CELF2: variants seen among roughly 807,000 people sequenced by gnomAD.
CELF2 encodes CUG triplet repeat RNA-binding protein 2.
A neutral mutation model predicts 62.6 loss-of-function variants in CELF2; 8 were observed. The observed-to-expected ratio is 0.13, with a 90% CI of 0.07 to 0.23. CELF2 has a LOEUF of 0.23. CELF2 is among the 10% of genes least tolerant of loss of function. The pLI, the probability that CELF2 is intolerant of heterozygous loss-of-function variation, is 1.00. For missense variants in CELF2, 333 were observed against 671.0 expected, an observed-to-expected ratio of 0.50 and a Z score of 5.56; for synonymous variants, 258 against 250.0, an observed-to-expected ratio of 1.03 and a Z score of -0.30.
At chr10:11,060,356 C>A (rs1325319247) in intron 1 of CELF2, among the ~76,000 whole-genome samples, 1 of 152,196 alleles carries the variant, frequency 6.6e-6, no homozygotes, top group Non-Finnish European at 1.5e-5. Flanking sequence ...TTTTGTACTT[C>A]TGAAGAGTAA....
At chr10:10,472,331 G>GTTTA in the CELF2 span, among the ~76,000 whole-genome samples, 1 of 151,506 alleles carries the variant, frequency 6.6e-6, no homozygotes, top group African/African-American at 2.4e-5. Flanking sequence ...TTATCTTCAA[G>GTTTA]TTTACTCATA....
chr10:10,589,986 G>A, the CELF2 span, among the ~76,000 whole-genome samples: 2 of 152,156 alleles, frequency 1.3e-5, no homozygotes, highest in Non-Finnish European at 2.9e-5. Context: ...TTTCAGTCCT[G>A]GCAGGAAATC....
chr10:11,196,842 C>T lies in CELF2; in HGVS notation c.272-20583C>T, dbSNP rs115237804. Reference sequence around the variant, plus strand: ...CGTGGTGGCGCATGCGCTTGTAATCCCAGCCGCTCATGGGGCTGAGGCAGG... The same window carrying T: ...CGTGGTGGCGCATGCGCTTGTAATCTCAGCCGCTCATGGGGCTGAGGCAGG... On this transcript the variant is annotated intron_variant, in intron 2 of 12. Transcript: ENST00000633077. Among the ~76,000 whole-genome samples, 219 of 151,128 alleles carry T rather than the reference C, an allele frequency of 1.4e-3. 2 individuals carry two copies. The highest frequency in any genetic ancestry group is 4.9e-3 in the African/African-American group (203 of 41,100).
At chr10:10,882,109 C>T (rs2061476633) in intron 1 of CELF2, among the ~76,000 whole-genome samples, 3 of 152,152 alleles carry the variant, frequency 2.0e-5, no homozygotes, top group Admixed American at 1.3e-4. Flanking sequence ...GGCTGGTTTC[C>T]CCATTTCCCA....
At chr10:10,575,631 C>T in the CELF2 span, among the ~76,000 whole-genome samples, 1 of 152,112 alleles carries the variant, frequency 6.6e-6, no homozygotes, top group Middle Eastern at 3.2e-3. Flanking sequence ...GCAGTCTGTT[C>T]CAAGAATTGA....
At chr10:11,006,814 C>G (rs1230059659) in intron 1 of CELF2, among the ~76,000 whole-genome samples, 1 of 152,150 alleles carries the variant, frequency 6.6e-6, no homozygotes, top group South Asian at 2.1e-4. Context: ...TGCTTATGTC[C>G]TTATAAAATG....
At chr10:11,069,755 G>A (rs1004532886) in intron 1 of CELF2, among the ~76,000 whole-genome samples, 9 of 152,192 alleles carry the variant, frequency 5.9e-5, no homozygotes, top group African/African-American at 1.4e-4. Context: ...AAAGTGTTTC[G>A]TAATTATTAA....
chr10:10,566,569 T>G, the CELF2 span, among the ~76,000 whole-genome samples: 1 of 83,314 alleles, frequency 1.2e-5, no homozygotes, highest in African/African-American at 4.8e-5. Context: ...CCCTCCCCCC[T>G]CCCCCGACCC....
At chr10:10,667,155 T>C in the CELF2 span, among the ~76,000 whole-genome samples, 1 of 152,336 alleles carries the variant, frequency 6.6e-6, no homozygotes, top group South Asian at 2.1e-4. Context: ...ACCATGCTCT[T>C]TGAATAAATG....
intron 1 of CELF2, among the ~76,000 whole-genome samples, chr10:11,150,203 A>C (rs1230095536): frequency 6.6e-6 from 1 of 152,210 alleles, no homozygotes; most frequent in African/African-American, 2.4e-5. Context: ...ACAAACATAC[A>C]CACTTTGTGA....
chr10:11,314,133 T>TG lies in CELF2; in HGVS notation c.977-6_977-5insG. ...TCTCCCCTTGTCTCTGTTTTCCTTT[T>TG]TTCAGTGGCTGCTTCAACCCCCAAC... On this transcript the variant is annotated splice_polypyrimidine_tract_variant and splice_region_variant and intron_variant, in intron 9 of 12. Coordinates refer to ENST00000633077, the MANE Select transcript of CELF2 (RefSeq NM_001326342.2). This position sits in a 1 kb window ranked among gnomAD's most constrained non-coding sequence, Gnocchi z 5.3. 1 of 1,611,272 alleles carries TG rather than the reference T, an allele frequency of 6.2e-7. No homozygotes were observed. Among genetic ancestry groups the TG allele is most frequent in the Admixed American group, 1.7e-5 (1 of 59,794 alleles).
Position 11,334,469 on chromosome 10 carries a change from G to GAT in CELF2, c.*5418_*5419dup, listed in dbSNP as rs1303148044. 5 of 152,604 alleles carry GAT rather than the reference G, an allele frequency of 3.3e-5. No homozygotes were observed. Among genetic ancestry groups the GAT allele is most frequent in the Admixed American group, 6.5e-5 (1 of 15,282 alleles). The allele number at this position is 152,604 out of a possible 1,614,324, so 9.5% of individuals were successfully genotyped here. ...TTTTTTTCTCTATGTTGTGTAAAAA[G>GAT]ATACAGTCGATTCCACTTAAGTGAA... is the stretch of plus-strand genomic sequence containing the variant. On this transcript the variant is annotated 3_prime_UTR_variant, in exon 13 of 13. Transcript: ENST00000633077.
chr10:10,706,636 G>A, the CELF2 span, among the ~76,000 whole-genome samples: 1 of 152,178 alleles, frequency 6.6e-6, no homozygotes, highest in South Asian at 2.1e-4. Context: ...CGGACAGCAA[G>A]GGCCCAAGTT....
chr10:10,686,173 G>C, the CELF2 span, among the ~76,000 whole-genome samples: 26 of 152,242 alleles, frequency 1.7e-4, no homozygotes, highest in Middle Eastern at 3.4e-3. Flanking sequence ...AAAATTGGGA[G>C]AGTGTTGATA....
chr10:10,741,907 G>A, the CELF2 span, among the ~76,000 whole-genome samples: 1 of 152,138 alleles, frequency 6.6e-6, no homozygotes, highest in African/African-American at 2.4e-5. Flanking sequence ...TGTGTTGTTT[G>A]TCTAATGGTG....
chr10:10,676,701 T>A, the CELF2 span, among the ~76,000 whole-genome samples: 8 of 152,162 alleles, frequency 5.3e-5, no homozygotes, highest in South Asian at 2.1e-4. Flanking sequence ...TAGGTTCTGA[T>A]TTTTTTTGTG....
At chr10:11,135,185 G>A (rs146556646) in intron 1 of CELF2, among the ~76,000 whole-genome samples, 5 of 152,344 alleles carry the variant, frequency 3.3e-5, no homozygotes, top group South Asian at 2.1e-4. Flanking sequence ...ATCATGTGCC[G>A]ATGCTGTTTA....
At chr10:11,062,111 C>T (rs1291840) in intron 1 of CELF2, among the ~76,000 whole-genome samples, 11,281 of 152,232 alleles carry the variant, frequency 0.074, 806 homozygotes, top group African/African-American at 0.19. Context: ...GCCAGTTTAC[C>T]GAATTTTTTA....
intron 1 of CELF2, among the ~76,000 whole-genome samples, chr10:10,839,907 T>C (rs934433809): frequency 2.6e-5 from 4 of 152,220 alleles, no homozygotes; most frequent in Admixed American, 6.5e-5. Context: ...ACCGCTGATA[T>C]ATTTAACTGT....
Sources: gnomAD v4.1 joint callset for allele counts (sites outside exome capture counted in the v4.1 genomes callset) on GRCh38, gnomAD v4.1.1 for gene constraint, Gnocchi (gnomAD v3.1) non-coding constraint, MANE v1.5 for transcripts, NCBI Gene and HGNC (gene_info 2026-07-23, HGNC 2026-07-21) for gene names.